The following EZH1 variants were observed in gnomAD, a reference collection of about 807,000 sequenced individuals.
EZH1 encodes enhancer of zeste 1 polycomb repressive complex 2 subunit.
In EZH1, 33 loss-of-function variants were observed where a neutral mutation model predicts 100.5. The ratio of observed to expected loss-of-function variants is 0.33; its 90% CI spans 0.25 to 0.44. The LOEUF (loss-of-function observed/expected upper bound fraction) is 0.44, where lower values mean the gene tolerates loss of function less well. EZH1 is among the 20% of genes least tolerant of loss of function. The pLI, the probability that EZH1 is intolerant of heterozygous loss-of-function variation, is 1.00. For synonymous variants in EZH1, 272 were observed against 313.8 expected, an observed-to-expected ratio of 0.87 and a Z score of 1.41; for missense variants, 475 against 928.4, an observed-to-expected ratio of 0.51 and a Z score of 6.35.
At chr17:42,715,712 G>T (rs965157838) in intron 10 of EZH1, among the ~76,000 whole-genome samples, 12 of 152,036 alleles carry the variant, frequency 7.9e-5, no homozygotes, top group African/African-American at 2.9e-4. Context: ...CTTTTAAAAA[G>T]ATTTTAAAAG....
intron 1 of EZH1, among the ~76,000 whole-genome samples, chr17:42,734,196 T>G (rs2054017842): frequency 6.6e-6 from 1 of 151,490 alleles, no homozygotes; most frequent in African/African-American, 2.4e-5. Flanking sequence ...TACACCACCA[T>G]GCCCGGCCAA....
chr17:42,716,700 A>G (rs1382780155), intron 10 of EZH1, among the ~76,000 whole-genome samples: 1 of 151,854 alleles, frequency 6.6e-6, no homozygotes, highest in Non-Finnish European at 1.5e-5. Context: ...ATTTCATTTT[A>G]TTATTATTTT....
intron 16 of EZH1, 65 bp downstream of exon 16, chr17:42,705,942 C>T (rs1453094723): frequency 2.1e-6 from 3 of 1,454,318 alleles, no homozygotes; most frequent in Non-Finnish European, 2.8e-6. Flanking sequence ...AAAGAGAATG[C>T]TTGGGACCGT....
At chr17:42,736,196 C>G (rs1036189672) in intron 1 of EZH1, among the ~76,000 whole-genome samples, 1 of 152,152 alleles carries the variant, frequency 6.6e-6, no homozygotes, top group African/African-American at 2.4e-5. Flanking sequence ...AACTGGAATC[C>G]TCATACACTG....
Position 42,718,635 on chromosome 17 carries a change from G to C in EZH1, c.768-18C>G. On this transcript the variant is annotated intron_variant, in intron 8 of 20. Transcript: ENST00000428826. The surrounding 1 kb of genome is among the most constrained non-coding windows in gnomAD (Gnocchi z 4.2). ...CTCGATACCTATTTAAGAAAAGAGA[G>C]ATAAGAGTTCCTCCGAGGAACTGCC... 1 of 1,613,496 alleles carries C rather than the reference G, an allele frequency of 6.2e-7. No homozygotes were observed. The highest frequency in any genetic ancestry group is 8.5e-7 in the Non-Finnish European group (1 of 1,179,582).
At chr17:42,721,451 C>A (rs563590718) in intron 6 of EZH1, among the ~76,000 whole-genome samples, 1 of 152,282 alleles carries the variant, frequency 6.6e-6, no homozygotes, top group South Asian at 2.1e-4. Context: ...CAGAGAGCCT[C>A]ATTGCCATTC....
intron 1 of EZH1, among the ~76,000 whole-genome samples, chr17:42,733,584 T>C (rs571859666): frequency 3.8e-5 from 5 of 132,018 alleles, no homozygotes; most frequent in African/African-American, 1.5e-4. Flanking sequence ...GAGCTTGCGG[T>C]GAGCCGAGAT....
At chr17:42,715,865 A>G (rs1279748611) in intron 10 of EZH1, among the ~76,000 whole-genome samples, 1 of 152,078 alleles carries the variant, frequency 6.6e-6, no homozygotes, top group Admixed American at 6.6e-5. Flanking sequence ...TGACCAACAC[A>G]GAGAAACCCT....
At chr17:42,703,893 T>G (rs1414789257) in intron 18 of EZH1, 73 bp from the exon 19 acceptor site, 1 of 1,078,746 alleles carries the variant, frequency 9.3e-7, no homozygotes. Flanking sequence ...GAATTTAAAA[T>G]CAGTTAAATG....
intron 1 of EZH1, among the ~76,000 whole-genome samples, chr17:42,739,774 T>G (rs926562796): frequency 6.6e-6 from 1 of 151,720 alleles, no homozygotes; most frequent in African/African-American, 2.4e-5. Flanking sequence ...GTAACAAAAA[T>G]CTAAACAGGA....
rs756982814 is a variant in EZH1 at position 42,718,617 on chromosome 17, C to T, written c.768G>A (p.Arg256=). The change falls in exon 9 of 21, where the codon AGG becomes AGA. Residue 256 remains arginine (R), a splice_region_variant and synonymous_variant. Transcript: ENST00000428826. The surrounding 1 kb of genome is among the most constrained non-coding windows in gnomAD (Gnocchi z 4.2). Reference sequence around the variant, plus strand: ...CTGACATCTCTGTTAGTTCTCGATACCTATTTAAGAAAAGAGAGATAAGAG... The same window carrying T: ...CTGACATCTCTGTTAGTTCTCGATATCTATTTAAGAAAAGAGAGATAAGAG... The part of the protein sequence containing the change: ...ENGVPDDMKE[R]YRELTEMSDP... 1.2e-6 allele frequency: 2 copies of T among 1,613,974 alleles called. No homozygotes were observed. The highest frequency in any genetic ancestry group is 1.1e-5 in the South Asian group (1 of 91,066).
At chr17:42,714,851 T>A (rs1054734706) in intron 10 of EZH1, among the ~76,000 whole-genome samples, 19 of 143,772 alleles carry the variant, frequency 1.3e-4, no homozygotes, top group Non-Finnish European at 2.7e-4. Flanking sequence ...AACATTTATA[T>A]ATATTTACAT....
rs1182924406 is a variant in EZH1 at position 42,716,705 on chromosome 17, TA to T, written c.1023+1270del. On this transcript the variant is annotated intron_variant, in intron 10 of 20. Coordinates refer to ENST00000428826, the MANE Select transcript of EZH1 (RefSeq NM_001991.5). Reference sequence around the variant, plus strand: ...GGATGAAGTAATTTCATTTTATTATTATTTTTTTTTTGAGATGGAGTCTCAC... The same window carrying T: ...GGATGAAGTAATTTCATTTTATTATTTTTTTTTTTTGAGATGGAGTCTCAC... Among the ~76,000 whole-genome samples the T allele has an allele frequency of 7.9e-5, 12 of 152,182 alleles. No homozygotes were observed. The South Asian group carries it at 1.2e-3, about 16-fold the overall frequency.
intron 2 of EZH1, among the ~76,000 whole-genome samples, chr17:42,730,386 C>T (rs2053916166): frequency 6.6e-6 from 1 of 151,592 alleles, no homozygotes; most frequent in Admixed American, 6.6e-5. Flanking sequence ...AGTATAATCT[C>T]ATCTCCAAGT....
chr17:42,719,013 A>T, intron 8 of EZH1, 92 bp downstream of exon 8: 1 of 953,270 alleles, frequency 1.0e-6, no homozygotes, highest in Admixed American at 2.0e-5. Context: ...CCCTTACCAT[A>T]AACAAAGCTT....
intron 11 of EZH1, among the ~76,000 whole-genome samples, 172 bp downstream of exon 11, chr17:42,713,037 C>CAAAAAAAAAA (rs10664421): frequency 1.2e-5 from 1 of 83,996 alleles, no homozygotes; most frequent in Non-Finnish European, 2.2e-5. Context: ...GAGACTGTTT[C>CAAAAAAAAAA]AAAAAAAAAA....
intron 11 of EZH1, among the ~76,000 whole-genome samples, 184 bp downstream of exon 11, chr17:42,713,025 G>A (rs139976626): frequency 0.012 from 1,370 of 117,510 alleles, 27 homozygotes; most frequent in African/African-American, 0.044. Context: ...GCAAAAAAGC[G>A]AGAGACTGTT....
chr17:42,738,720 G>C (rs931234618), intron 1 of EZH1, among the ~76,000 whole-genome samples: 11 of 149,472 alleles, frequency 7.4e-5, no homozygotes, highest in Admixed American at 4.0e-4. Context: ...CCAAAGTGCT[G>C]GGATTACAGG....
intron 5 of EZH1, among the ~76,000 whole-genome samples, chr17:42,724,038 G>A (rs1033237223): frequency 6.6e-6 from 1 of 152,158 alleles, no homozygotes; most frequent in African/African-American, 2.4e-5. Flanking sequence ...AAGGTACTAA[G>A]AGAAAATTGA....
Sources: gnomAD v4.1 joint callset for allele counts (sites outside exome capture counted in the v4.1 genomes callset) on GRCh38, gnomAD v4.1.1 for gene constraint, Gnocchi (gnomAD v3.1) non-coding constraint, MANE v1.5 for transcripts, NCBI Gene and HGNC (gene_info 2026-07-23, HGNC 2026-07-21) for gene names.